SMOC1: variants seen among roughly 807,000 people sequenced by gnomAD.
The protein encoded by SMOC1 is SPARC related modular calcium binding 1.
SMOC1 carries 22 observed loss-of-function variants against 56.3 expected under a neutral mutation model. The ratio of observed to expected loss-of-function variants is 0.39; its 90% CI spans 0.28 to 0.56. The LOEUF is 0.56. Ranked by LOEUF, SMOC1 falls within the 20% of genes least tolerant of loss-of-function variation. SMOC1 has a pLI of 0.61. For missense variants in SMOC1, 509 were observed against 565.4 expected, an observed-to-expected ratio of 0.90 and a Z score of 1.01; for synonymous variants, 193 against 215.0, an observed-to-expected ratio of 0.90 and a Z score of 0.89.
chr14:69,959,793 TA>T (rs1457722673), intron 3 of SMOC1, among the ~76,000 whole-genome samples: 2 of 152,140 alleles, frequency 1.3e-5, no homozygotes, highest in Non-Finnish European at 1.5e-5. Context: ...GTTGGAAGCT[TA>T]AAAAATGTTC....
intron 1 of SMOC1, among the ~76,000 whole-genome samples, chr14:69,908,658 G>A (rs1426227122): frequency 1.3e-5 from 2 of 152,224 alleles, no homozygotes; most frequent in Non-Finnish European, 2.9e-5. Context: ...CCTTTTGACA[G>A]TGCCTTGGGA....
At chr14:70,003,453 G>T (rs1555363964) in intron 7 of SMOC1, among the ~76,000 whole-genome samples, 1 of 152,150 alleles carries the variant, frequency 6.6e-6, no homozygotes, top group Non-Finnish European at 1.5e-5. Context: ...AGCCTCTGTG[G>T]TCTCATCCCT....
At chr14:69,894,475 C>T (rs1021709463) in intron 1 of SMOC1, among the ~76,000 whole-genome samples, 12 of 152,138 alleles carry the variant, frequency 7.9e-5, no homozygotes, top group African/African-American at 1.4e-4. Context: ...ACTGTGGCAG[C>T]GGTGGGAGAT....
intron 3 of SMOC1, among the ~76,000 whole-genome samples, chr14:69,974,516 C>T (rs566614570): frequency 2.0e-5 from 3 of 152,084 alleles, no homozygotes; most frequent in South Asian, 2.1e-4. Flanking sequence ...AATGAGGCTA[C>T]GGAAATAGAT....
intron 3 of SMOC1, among the ~76,000 whole-genome samples, chr14:69,961,677 G>A (rs946890082): frequency 6.6e-6 from 1 of 152,060 alleles, no homozygotes; most frequent in African/African-American, 2.4e-5. Flanking sequence ...CGCCTGGCCT[G>A]TTTCCATTTT....
chr14:69,919,103 G>C (rs552406910), intron 1 of SMOC1, among the ~76,000 whole-genome samples: 1 of 152,174 alleles, frequency 6.6e-6, no homozygotes, highest in African/African-American at 2.4e-5. Flanking sequence ...TCTGACTTAG[G>C]GTTACTTTTT....
At position 70,010,953 on chromosome 14, in the gene SMOC1, C is replaced by A; in HGVS notation, c.857+7C>A. The A allele has an allele frequency of 6.2e-7, 1 of 1,612,028 alleles. No homozygotes were observed. The highest frequency in any genetic ancestry group is 1.1e-5 in the South Asian group (1 of 90,992). On this transcript the variant is annotated splice_region_variant and intron_variant, in intron 8 of 11. Transcript: ENST00000361956. ...TGCCTGGGACCTCCACACGGTAAGC[C>A]CCCCAGACTGGGTCCTGGGAAAAAC... is the stretch of plus-strand genomic sequence containing the variant.
At chr14:69,950,030 C>T (rs1282016910) in intron 1 of SMOC1, among the ~76,000 whole-genome samples, 1 of 152,212 alleles carries the variant, frequency 6.6e-6, no homozygotes, top group East Asian at 1.9e-4. Flanking sequence ...TGCCCCTGAG[C>T]ACTGGACTCT....
In SMOC1 at chr14:70,022,413, C is replaced by G. The variant is rs371090861; in HGVS notation, c.1047-790C>G. ...ATGCCAGGAAGTGTTCTTGGTGACT[C>G]TAGTCCAGCATTTCTCAGCAGAATC... is the stretch of plus-strand genomic sequence containing the variant. On this transcript the variant is annotated intron_variant, in intron 10 of 11. Transcript: ENST00000361956. Among the ~76,000 whole-genome samples, 69 of 152,320 alleles carry G rather than the reference C, an allele frequency of 4.5e-4. 2 individuals carry two copies. Among genetic ancestry groups the G allele is most frequent in the African/African-American group, 1.6e-3 (67 of 41,562 alleles).
At chr14:69,911,425 T>C (rs1296402174) in intron 1 of SMOC1, among the ~76,000 whole-genome samples, 1 of 152,230 alleles carries the variant, frequency 6.6e-6, no homozygotes, top group Non-Finnish European at 1.5e-5. Context: ...ATTTTGACAA[T>C]GCATACAGTT....
chr14:69,911,344 A>G (rs1477550158), intron 1 of SMOC1, among the ~76,000 whole-genome samples: 3 of 152,246 alleles, frequency 2.0e-5, no homozygotes, highest in Non-Finnish European at 4.4e-5. Flanking sequence ...TCACATATTT[A>G]AACTTTCAAA....
At chr14:69,956,768 C>T (rs1160008461) in intron 3 of SMOC1, among the ~76,000 whole-genome samples, 4 of 152,148 alleles carry the variant, frequency 2.6e-5, no homozygotes, top group Non-Finnish European at 4.4e-5. Context: ...CCCCAACTCA[C>T]ACACAGGAGT....
chr14:70,020,494 G>A (rs969972426), intron 10 of SMOC1, among the ~76,000 whole-genome samples: 3 of 152,282 alleles, frequency 2.0e-5, no homozygotes, highest in East Asian at 1.9e-4. Flanking sequence ...CTGGGAAGGA[G>A]GAAGGAAGGC....
At chr14:70,015,076 A>G (rs927547631) in intron 10 of SMOC1, among the ~76,000 whole-genome samples, 1 of 152,252 alleles carries the variant, frequency 6.6e-6, no homozygotes, top group Admixed American at 6.5e-5. Context: ...CCATCAATGG[A>G]TGACTAGATA....
intron 7 of SMOC1, among the ~76,000 whole-genome samples, chr14:70,008,070 C>A (rs1228295016): frequency 1.3e-5 from 2 of 151,998 alleles, no homozygotes; most frequent in East Asian, 3.8e-4. Flanking sequence ...TTAAAAAATT[C>A]TTTTGCTATC....
At chr14:69,997,147 T>C (rs2139555262) in intron 7 of SMOC1, among the ~76,000 whole-genome samples, 1 of 152,332 alleles carries the variant, frequency 6.6e-6, no homozygotes, top group Non-Finnish European at 1.5e-5. Flanking sequence ...TATGGGGATG[T>C]CTTACTTAAG....
chr14:69,909,843 A>G (rs189228956), intron 1 of SMOC1, among the ~76,000 whole-genome samples: 141 of 152,326 alleles, frequency 9.3e-4, no homozygotes, highest in African/African-American at 2.9e-3. Flanking sequence ...CTGGGTGAGA[A>G]TGAGGACTGG....
intron 6 of SMOC1, 108 bp downstream of exon 6, chr14:69,992,581 T>A (rs1884604571): frequency 2.2e-6 from 2 of 929,932 alleles, no homozygotes; most frequent in East Asian, 5.3e-5. Flanking sequence ...TATTTTCTTT[T>A]TTAATTTCAA....
intron 3 of SMOC1, among the ~76,000 whole-genome samples, chr14:69,959,095 T>A (rs1241580730): frequency 6.6e-6 from 1 of 152,218 alleles, no homozygotes; most frequent in Non-Finnish European, 1.5e-5. Context: ...TTTCCTTGTG[T>A]GTACTTATTG....
Sources: gnomAD v4.1 joint callset for allele counts (sites outside exome capture counted in the v4.1 genomes callset) on GRCh38, gnomAD v4.1.1 for gene constraint, MANE v1.5 for transcripts, NCBI Gene and HGNC (gene_info 2026-07-23, HGNC 2026-07-21) for gene names.